Variants in CLDN8 observed in about 807,000 individuals in gnomAD.
The protein encoded by CLDN8 is claudin 8.
Under a neutral mutation model 2.2 loss-of-function variants are expected in CLDN8, and 2 were observed. The ratio of observed to expected loss-of-function variants is 0.90; its 90% CI spans 0.37 to 2.82. The LOEUF (loss-of-function observed/expected upper bound fraction) is 2.82, where lower values mean the gene tolerates loss of function less well. Ranked by LOEUF, CLDN8 falls within the 30% of genes most tolerant of loss-of-function variation. The probability of loss-of-function intolerance (pLI) is 0.10; values close to 1 mark genes in which losing one functional copy is unlikely to be tolerated. For missense variants in CLDN8, 314 were observed against 280.5 expected (o/e 1.12, Z -0.85); for synonymous variants, 107 against 104.8 (o/e 1.02, Z -0.13).
Position 30,215,819 on chromosome 21 carries a change from A to G in CLDN8, c.107T>C (p.Ile36Thr), listed in dbSNP as rs759813417. ...TTCAAAAACCACGATGTTGTTTTCA[A>G]TGAAGGCCGACACTCTCCACTGAGG... ...VMPQWRVSAF[I>T]ENNIVVFENF... Residue 36 changes from isoleucine to threonine, a missense_variant, in exon 1 of 1, where the codon ATT becomes ACT. Ile to Thr is a moderately conservative substitution (Grantham distance 89, BLOSUM62 -1). Coordinates refer to ENST00000399899, the MANE Select transcript of CLDN8 (RefSeq NM_199328.3). The G allele has an allele frequency of 6.2e-6, 10 of 1,613,918 alleles. No individual in the cohort carries two copies. The highest frequency in any genetic ancestry group is 1.7e-5 in the Admixed American group (1 of 59,996).
At position 30,215,727 on chromosome 21, in the gene CLDN8, A is replaced by T. The variant is rs1250010351; in HGVS notation, c.199T>A (p.Tyr67Asn). The T allele has an allele frequency of 2.5e-6, 4 of 1,614,112 alleles. No individual in the cohort carries two copies. Among genetic ancestry groups the T allele is most frequent in the Non-Finnish European group, 3.4e-6 (4 of 1,180,016 alleles). ...GGAGAAAGAGCCAGCAGGGAATCAT[A>T]GATTTTGCACTGCATCCTGATGTTA... ...QANIRMQCKI[Y>N]DSLLALSPDL... Residue 67 changes from tyrosine (Y) to asparagine (N), a missense_variant, in exon 1 of 1, where the codon TAT becomes AAT. Transcript: ENST00000399899.
In CLDN8 at chr21:30,215,658, TCACGGAAGCAG is replaced by T; in HGVS notation, c.257_267del (p.Ala86AspfsTer23). ...GCCATCATGAAAGCCAAGAAGGACA[TCACGGAAGCAG>T]CACACATCAGTCCTCTGGCTGCCTG... is the stretch of plus-strand genomic sequence containing the variant. On this transcript the variant is annotated frameshift_variant, in exon 1 of 1. Coordinates refer to ENST00000399899, the MANE Select transcript of CLDN8 (RefSeq NM_199328.3). LOFTEE classifies it low-confidence loss of function (END_TRUNC). 2 of 1,614,050 alleles carry T rather than the reference TCACGGAAGCAG, an allele frequency of 1.2e-6. No homozygotes were observed. Among genetic ancestry groups the T allele is most frequent in the Non-Finnish European group, 1.7e-6 (2 of 1,180,016 alleles).
rs927041356 is a variant in CLDN8, at chr21:30,214,985, G to A, written c.*263C>T. 7.5e-5 allele frequency: 31 copies of A among 413,782 alleles called. No homozygotes were observed. The highest frequency in any genetic ancestry group is 5.8e-4 in the African/African-American group (29 of 50,096). The allele number at this position is 413,782 out of a possible 1,614,324, so 25.6% of individuals were successfully genotyped here. On this transcript the variant is annotated 3_prime_UTR_variant, in exon 1 of 1. Transcript: ENST00000399899. Reference sequence around the variant, plus strand: ...CAGTCTTTAGCAATGTCATTTTGAAGTAAATGATAAAAAGAGTAGATGCTT... The same window carrying A: ...CAGTCTTTAGCAATGTCATTTTGAAATAAATGATAAAAAGAGTAGATGCTT...
chr21:30,215,867 C>A lies in CLDN8; in HGVS notation c.59G>T (p.Gly20Val). 1.2e-6 allele frequency: 2 copies of A among 1,613,458 alleles called. No homozygotes were observed. Among genetic ancestry groups the A allele is most frequent in the Non-Finnish European group, 1.7e-6 (2 of 1,179,594 alleles). Residue 20 changes from glycine to valine, a missense_variant, in exon 1 of 1, where the codon GGC becomes GTC. Transcript: ENST00000399899. ...AGGCATGACAGTGACAGCCACTGTG[C>A]CCACCATTCCAACACCACCAAGAAA... Reference protein sequence around the residue: ...GLFLGGVGMVGTVAVTVMPQW... With the variant: ...GLFLGGVGMVVTVAVTVMPQW...
chr21:30,215,450 C>G lies in CLDN8; in HGVS notation c.476G>C (p.Arg159Pro), dbSNP rs757500351. 2 of 1,614,014 alleles carry G rather than the reference C, an allele frequency of 1.2e-6. No homozygotes were observed. The highest frequency in any genetic ancestry group is 3.3e-5 in the Admixed American group (2 of 60,002). ...TAAGTAGAGAGCTTCTCCAAGCTCACGTTTTTGGGCAACATTCACTATTGA... is the reference window on the plus strand; with the variant it reads ...TAAGTAGAGAGCTTCTCCAAGCTCAGGTTTTTGGGCAACATTCACTATTGA... ...YNSIVNVAQK[R>P]ELGEALYLGW... The change falls in exon 1 of 1, where the codon CGT becomes CCT. Residue 159 changes from arginine to proline, a missense_variant. Transcript: ENST00000399899.
In CLDN8 at chr21:30,215,462, A is replaced by T. The variant is rs779821920; in HGVS notation, c.464T>A (p.Val155Asp). ...TTCTCCAAGCTCACGTTTTTGGGCA[A>T]CATTCACTATTGAGTTATAGAAATC... The part of the protein sequence containing the change: ...IRDFYNSIVN[V>D]AQKRELGEAL... The change falls in exon 1 of 1, where the codon GTT (valine) becomes GAT (aspartate). Residue 155 changes from valine to aspartate, a missense_variant. Coordinates refer to ENST00000399899, the MANE Select transcript of CLDN8 (RefSeq NM_199328.3). 1 of 1,614,060 alleles carries T rather than the reference A, an allele frequency of 6.2e-7. No individual in the cohort carries two copies. The highest frequency in any genetic ancestry group is 2.2e-5 in the East Asian group (1 of 44,832).
In CLDN8 at chr21:30,215,486, T is replaced by A; in HGVS notation, c.440A>T (p.Asp147Val). ...AACATTCACTATTGAGTTATAGAAA[T>A]CTCTGATGATGGCATTGGCAACCCA... is the stretch of plus-strand genomic sequence containing the variant. ...VSWVANAIIR[D>V]FYNSIVNVAQ... is the part of the protein sequence containing the mutation. The change falls in exon 1 of 1, where the codon GAT becomes GTT. Residue 147 changes from aspartate (D) to valine (V), a missense_variant. Coordinates refer to ENST00000399899, the MANE Select transcript of CLDN8 (RefSeq NM_199328.3). 6.2e-7 allele frequency: 1 copy of A among 1,613,962 alleles called. No individual in the cohort carries two copies. Among genetic ancestry groups the A allele is most frequent in the Non-Finnish European group, 8.5e-7 (1 of 1,179,956 alleles).
rs775714753 is a variant in CLDN8 at position 30,215,939 on chromosome 21, G to A, written c.-14C>T. 1.9e-6 allele frequency: 3 copies of A among 1,585,450 alleles called. No homozygotes were observed. The highest frequency in any genetic ancestry group is 1.8e-5 in the Admixed American group (1 of 56,082). On this transcript the variant is annotated 5_prime_UTR_variant, in exon 1 of 1. Coordinates refer to ENST00000399899, the MANE Select transcript of CLDN8 (RefSeq NM_199328.3). Reference sequence around the variant, plus strand: ...ATGGGTTGCCATTATCCTCTGGGATGAGTTTTAGCCAGCTGGACTCCGGAA... The same window carrying A: ...ATGGGTTGCCATTATCCTCTGGGATAAGTTTTAGCCAGCTGGACTCCGGAA...
chr21:30,214,401 T>A lies in CLDN8; in HGVS notation c.*847A>T, dbSNP rs1035348344. ...ACTTATTAAAATATATCCATACATATATGATTTCTTGTCAAAATGCATCAT... is the reference window on the plus strand; with the variant it reads ...ACTTATTAAAATATATCCATACATAAATGATTTCTTGTCAAAATGCATCAT... On this transcript the variant is annotated 3_prime_UTR_variant, in exon 1 of 1. Transcript: ENST00000399899. The A allele has an allele frequency of 1.3e-5, 2 of 152,162 alleles. No individual in the cohort carries two copies. Among genetic ancestry groups the A allele is most frequent in the African/African-American group, 4.8e-5 (2 of 41,460 alleles). 9.4% of individuals were successfully genotyped at this position (152,162 alleles called of 1,614,324 possible).
Position 30,214,903 on chromosome 21 carries a change from A to G in CLDN8, c.*345T>C, listed in dbSNP as rs1451408357. The stretch of plus-strand genomic sequence containing the variant: ...TGTCTCTATGTGAGATATAAATGTT[A>G]CACTCATCTATGTACATAATGCTAT... On this transcript the variant is annotated 3_prime_UTR_variant, in exon 1 of 1. Transcript: ENST00000399899. The G allele has an allele frequency of 4.8e-6, 1 of 206,648 alleles. No individual in the cohort carries two copies. The highest frequency in any genetic ancestry group is 1.1e-4 in the East Asian group (1 of 8,912). 12.8% of individuals were successfully genotyped at this position (206,648 alleles called of 1,614,324 possible).
chr21:30,215,572 A>T lies in CLDN8; in HGVS notation c.354T>A (p.Ile118=), dbSNP rs1447703508. ...TGDNEKVKAH[I]LLTAGIIFII... ...TGAAGATGATTCCAGCCGTCAGCAG[A>T]ATGTGAGCCTTCACCTTCTCATTGT... The change falls in exon 1 of 1, where the codon ATT becomes ATA. Residue 118 remains isoleucine (I), a synonymous_variant. Coordinates refer to ENST00000399899, the MANE Select transcript of CLDN8 (RefSeq NM_199328.3). 6.2e-7 allele frequency: 1 copy of T among 1,614,132 alleles called. No homozygotes were observed. Among genetic ancestry groups the T allele is most frequent in the Non-Finnish European group, 8.5e-7 (1 of 1,180,006 alleles).
Position 30,215,869 on chromosome 21 carries a change from C to A in CLDN8, c.57G>T (p.Val19=). The A allele has an allele frequency of 6.2e-7, 1 of 1,613,406 alleles. No homozygotes were observed. Among genetic ancestry groups the A allele is most frequent in the African/African-American group, 1.3e-5 (1 of 75,004 alleles). ...GCATGACAGTGACAGCCACTGTGCC[C>A]ACCATTCCAACACCACCAAGAAACA... is the stretch of plus-strand genomic sequence containing the variant. ...AGLFLGGVGM[V]GTVAVTVMPQ... The change falls in exon 1 of 1, where the codon GTG becomes GTT. Residue 19 remains valine (V), a synonymous_variant. Coordinates refer to ENST00000399899, the MANE Select transcript of CLDN8 (RefSeq NM_199328.3).
Position 30,216,045 on chromosome 21 carries a change from G to A in CLDN8, c.-120C>T. The A allele has an allele frequency of 1.1e-6, 1 of 917,686 alleles. No homozygotes were observed. The highest frequency in any genetic ancestry group is 1.6e-6 in the Non-Finnish European group (1 of 613,956). The allele number at this position is 917,686 out of a possible 1,614,324, so 56.8% of individuals were successfully genotyped here. The stretch of plus-strand genomic sequence containing the variant: ...CCTGTAGTAATGAACTCGGAACCCA[G>A]TGGTTTTTCAAATAAGAGCTGCTTT... On this transcript the variant is annotated 5_prime_UTR_variant, in exon 1 of 1. Coordinates refer to ENST00000399899, the MANE Select transcript of CLDN8 (RefSeq NM_199328.3).
rs1283508956 is a variant in CLDN8 at position 30,216,078 on chromosome 21, C to G, written c.-153G>C. On this transcript the variant is annotated 5_prime_UTR_variant, in exon 1 of 1. Transcript: ENST00000399899. ...TCAAATAAGAGCTGCTTTGCTACTT[C>G]TGGCCAGATAGTATCCAGTGCTGGC... 1.4e-6 allele frequency: 1 copy of G among 695,468 alleles called. No homozygotes were observed. 43.1% of individuals were successfully genotyped at this position (695,468 alleles called of 1,614,324 possible).
In CLDN8 at chr21:30,215,890, A is replaced by T; in HGVS notation, c.36T>A (p.Phe12Leu). The T allele has an allele frequency of 6.2e-7, 1 of 1,611,602 alleles. No individual in the cohort carries two copies. Among genetic ancestry groups the T allele is most frequent in the Non-Finnish European group, 8.5e-7 (1 of 1,178,688 alleles). ...TGCCCACCATTCCAACACCACCAAG[A>T]AACAGCCCAGCGATTTCTAAGGCAT... ...ATHALEIAGL[F>L]LGGVGMVGTV... The change falls in exon 1 of 1, where the codon TTT becomes TTA. Residue 12 changes from phenylalanine (F) to leucine (L), a missense_variant. Phe to Leu is a conservative substitution (Grantham distance 22). Coordinates refer to ENST00000399899, the MANE Select transcript of CLDN8 (RefSeq NM_199328.3).
rs1978909763 is a variant in CLDN8 at position 30,215,168 on chromosome 21, T to C, written c.*80A>G. 1 of 1,233,268 alleles carries C rather than the reference T, an allele frequency of 8.1e-7. No individual in the cohort carries two copies. Among genetic ancestry groups the C allele is most frequent in the South Asian group, 1.4e-5 (1 of 71,544 alleles). The allele number at this position is 1,233,268 out of a possible 1,614,324, so 76.4% of individuals were successfully genotyped here. On this transcript the variant is annotated 3_prime_UTR_variant, in exon 1 of 1. Transcript: ENST00000399899. The stretch of plus-strand genomic sequence containing the variant: ...GTTAAGAACAGTAAATCAAAGTTTC[T>C]TTGGGGTCCATTTTGAGAAAGTAAT...
chr21:30,215,671 A>T lies in CLDN8; in HGVS notation c.255T>A (p.Cys85Ter). The change falls in exon 1 of 1, where the codon TGT becomes TGA. Residue 85 changes from cysteine (C) to a stop codon, truncating the protein, a stop_gained. Transcript: ENST00000399899. LOFTEE classifies it low-confidence loss of function (END_TRUNC). ...CCAAGAAGGACATCACGGAAGCAGC[A>T]CACATCAGTCCTCTGGCTGCCTGTA... The part of the protein sequence containing the change: ...PDLQAARGLM[C>*]AASVMSFLAF... The T allele has an allele frequency of 6.2e-7, 1 of 1,614,146 alleles. No homozygotes were observed. The highest frequency in any genetic ancestry group is 8.5e-7 in the Non-Finnish European group (1 of 1,180,012).
At position 30,215,550 on chromosome 21, in the gene CLDN8, A is replaced by G; in HGVS notation, c.376T>C (p.Phe126Leu). The G allele has an allele frequency of 6.2e-7, 1 of 1,614,096 alleles. No individual in the cohort carries two copies. The highest frequency in any genetic ancestry group is 8.5e-7 in the Non-Finnish European group (1 of 1,179,998). ...AHILLTAGII[F>L]IITGMVVLIP... ...AGCACCACCATGCCCGTGATGATGA[A>G]GATGATTCCAGCCGTCAGCAGAATG... Residue 126 changes from phenylalanine (F) to leucine (L), a missense_variant, in exon 1 of 1, where the codon TTC becomes CTC. Phe to Leu is a conservative substitution (Grantham distance 22). Coordinates refer to ENST00000399899, the MANE Select transcript of CLDN8 (RefSeq NM_199328.3).
At position 30,214,386 on chromosome 21, in the gene CLDN8, A is replaced by G. The variant is rs1978875811; in HGVS notation, c.*862T>C. 6.6e-6 allele frequency: 1 copy of G among 152,156 alleles called. No individual in the cohort carries two copies. The highest frequency in any genetic ancestry group is 2.4e-5 in the African/African-American group (1 of 41,456). 9.4% of individuals were successfully genotyped at this position (152,156 alleles called of 1,614,324 possible). A position where few individuals can be genotyped will look rare whatever the true frequency, so the allele number is the denominator to read the frequency against. On this transcript the variant is annotated 3_prime_UTR_variant, in exon 1 of 1. Transcript: ENST00000399899. ...AGTCTGTACTCAAATACTTATTAAAATATATCCATACATATATGATTTCTT... is the reference window on the plus strand; with the variant it reads ...AGTCTGTACTCAAATACTTATTAAAGTATATCCATACATATATGATTTCTT...
Sources: gnomAD v4.1 joint callset for allele counts on GRCh38, gnomAD v4.1.1 for gene constraint, MANE v1.5 for transcripts, NCBI Gene and HGNC (gene_info 2026-07-23, HGNC 2026-07-21) for gene names.